Variants in SPIDR observed in about 807,000 individuals in gnomAD.
The protein encoded by SPIDR is DNA repair-scaffolding protein.
A neutral mutation model predicts 104.6 loss-of-function variants in SPIDR; 93 were observed. The observed-to-expected ratio is 0.89, with a 90% CI of 0.75 to 1.06. SPIDR has a LOEUF of 1.06. Among genes scored for constraint, SPIDR ranks in the 50% least tolerant of loss-of-function variants. The pLI, the probability that SPIDR is intolerant of heterozygous loss-of-function variation, is 0.00. For missense variants in SPIDR, 1,154 were observed against 1,111.2 expected, an observed-to-expected ratio of 1.04 and a Z score of -0.55; for synonymous variants, 431 against 416.9, an observed-to-expected ratio of 1.03 and a Z score of -0.41.
At chr8:47,500,314 G>A (rs982294753) in intron 8 of SPIDR, among the ~76,000 whole-genome samples, 6 of 152,108 alleles carry the variant, frequency 3.9e-5, no homozygotes, top group Non-Finnish European at 8.8e-5. Context: ...GTTGTTTCCT[G>A]ACTTTTTAAT....
chr8:47,717,001 G>T (rs539589952), intron 16 of SPIDR, among the ~76,000 whole-genome samples: 6 of 152,318 alleles, frequency 3.9e-5, no homozygotes, highest in African/African-American at 1.4e-4. Context: ...GAAGAAGAGG[G>T]TCTGCAGGGG....
intron 5 of SPIDR, among the ~76,000 whole-genome samples, chr8:47,376,474 C>T (rs1172695470): frequency 2.6e-5 from 4 of 152,132 alleles, no homozygotes; most frequent in African/African-American, 9.7e-5. Flanking sequence ...AAAGTTTGAA[C>T]AGAGCTGTGA....
In SPIDR at chr8:47,551,024, A is replaced by AGATGTGGTTTTTGTCTGC. The variant is rs2090374387; in HGVS notation, c.1098-44787_1098-44786insGATGTGGTTTTTGTCTGC. Among the ~76,000 whole-genome samples the AGATGTGGTTTTTGTCTGC allele has an allele frequency of 4.6e-5, 7 of 152,188 alleles. 1 individual carries two copies. Among genetic ancestry groups the AGATGTGGTTTTTGTCTGC allele is most frequent in the Admixed American group, 6.5e-5 (1 of 15,278 alleles). On this transcript the variant is annotated intron_variant, in intron 8 of 19. Coordinates refer to ENST00000297423, the MANE Select transcript of SPIDR (RefSeq NM_001080394.4). ...AGGCCTTTTCTGCATCTATTGAGAT[A>AGATGTGGTTTTTGTCTGC]ATCATGTGGTTTTTGTCTTTGGTTT...
At chr8:47,490,825 A>G (rs1309280708) in intron 8 of SPIDR, among the ~76,000 whole-genome samples, 1 of 152,184 alleles carries the variant, frequency 6.6e-6, no homozygotes, top group Non-Finnish European at 1.5e-5. Flanking sequence ...GAAGGGGAAC[A>G]TCACATACCA....
chr8:47,554,487 G>A (rs2091049430), intron 8 of SPIDR, among the ~76,000 whole-genome samples: 4 of 152,206 alleles, frequency 2.6e-5, no homozygotes. Context: ...TCGCCTTGCA[G>A]TTCGATCTCA....
chr8:47,603,362 T>C (rs1361371165), intron 10 of SPIDR, among the ~76,000 whole-genome samples: 1 of 152,102 alleles, frequency 6.6e-6, no homozygotes, highest in Admixed American at 6.6e-5. Context: ...CTTCCTTTCT[T>C]CTTGAGATAT....
At chr8:47,571,072 C>T (rs946622592) in intron 8 of SPIDR, among the ~76,000 whole-genome samples, 5 of 151,036 alleles carry the variant, frequency 3.3e-5, no homozygotes, top group South Asian at 4.2e-4. Context: ...GCTTGGGCTA[C>T]GGAGCGAGAC....
intron 8 of SPIDR, among the ~76,000 whole-genome samples, chr8:47,514,466 C>T (rs945635658): frequency 8.5e-5 from 13 of 152,252 alleles, no homozygotes; most frequent in African/African-American, 3.1e-4. Flanking sequence ...CGCTGGGAGC[C>T]CACTGCAGGG....
intron 10 of SPIDR, among the ~76,000 whole-genome samples, chr8:47,650,686 T>C (rs62539144): frequency 0.48 from 73,291 of 152,106 alleles, 19,703 homozygotes; most frequent in East Asian, 0.66. Flanking sequence ...GGAGGTGTCA[T>C]GTTTCCTGAC....
intron 5 of SPIDR, chr8:47,360,689 A>G (rs2055683210): frequency 8.8e-6 from 2 of 226,478 alleles, no homozygotes; most frequent in Non-Finnish European, 1.5e-5. Flanking sequence ...TGTTGTCCAG[A>G]TAAGTATGTG....
chr8:47,625,597 G>T (rs565676201), intron 10 of SPIDR, among the ~76,000 whole-genome samples: 4 of 151,112 alleles, frequency 2.6e-5, no homozygotes, highest in African/African-American at 9.9e-5. Context: ...CCAATAACAG[G>T]CAAACAGAGA....
intron 11 of SPIDR, among the ~76,000 whole-genome samples, chr8:47,679,129 CCT>C (rs1239769799): frequency 6.6e-6 from 1 of 152,220 alleles, no homozygotes; most frequent in East Asian, 1.9e-4. Flanking sequence ...ATGGAGGTAA[CCT>C]TGCAGCTCAC....
chr8:47,429,459 T>C (rs1286644176), intron 7 of SPIDR, among the ~76,000 whole-genome samples: 2 of 152,234 alleles, frequency 1.3e-5, no homozygotes, highest in Non-Finnish European at 2.9e-5. Context: ...TGCACTTTTA[T>C]CTCTTAATGG....
rs2069253107 is a variant in SPIDR, at chr8:47,440,716, C to T, written c.1097+174C>T. Among the ~76,000 whole-genome samples the T allele has an allele frequency of 5.3e-5, 8 of 152,326 alleles. No homozygotes were observed. The South Asian group carries it at 1.2e-3, about 24-fold the overall frequency. On this transcript the variant is annotated intron_variant, in intron 8 of 19. Transcript: ENST00000297423. ...AAGCACTGGATTGTCTCTGATAGCT[C>T]ATTTCTAGTTCTGTCAGCATATTTC...
chr8:47,602,020 C>A (rs1381113393), intron 10 of SPIDR, among the ~76,000 whole-genome samples: 1 of 152,150 alleles, frequency 6.6e-6, no homozygotes, highest in Non-Finnish European at 1.5e-5. Context: ...TAATTCTTTG[C>A]TAATATATTT....
At chr8:47,425,697 G>A (rs558063543) in intron 7 of SPIDR, among the ~76,000 whole-genome samples, 1 of 151,914 alleles carries the variant, frequency 6.6e-6, no homozygotes, top group Admixed American at 6.6e-5. Context: ...ATTTCTTTAG[G>A]TTATTATTGA....
At chr8:47,326,416 C>T (rs1384050715) in intron 5 of SPIDR, among the ~76,000 whole-genome samples, 3 of 152,188 alleles carry the variant, frequency 2.0e-5, no homozygotes, top group African/African-American at 7.2e-5. Context: ...CAGTTTGTTA[C>T]CAGGTCTCTC....
At chr8:47,649,948 GGGACATACCTCACA>G (rs2071305613) in intron 10 of SPIDR, among the ~76,000 whole-genome samples, 1 of 152,104 alleles carries the variant, frequency 6.6e-6, no homozygotes, top group Non-Finnish European at 1.5e-5. Flanking sequence ...TGGCATAGAA[GGGACATACCTCACA>G]GTAATAAAAA....
intron 8 of SPIDR, among the ~76,000 whole-genome samples, chr8:47,445,933 T>G (rs1039935485): frequency 6.6e-6 from 1 of 152,166 alleles, no homozygotes; most frequent in African/African-American, 2.4e-5. Context: ...CTAGCAGAAG[T>G]TGATTCATGA....
Sources: gnomAD v4.1 joint callset for allele counts (sites outside exome capture counted in the v4.1 genomes callset) on GRCh38, gnomAD v4.1.1 for gene constraint, MANE v1.5 for transcripts, NCBI Gene and HGNC (gene_info 2026-07-23, HGNC 2026-07-21) for gene names.